The following WDR81 variants were observed in gnomAD, a reference collection of about 807,000 sequenced individuals.
WDR81 encodes WD repeat domain 81.
In WDR81, 92 loss-of-function variants were observed where a neutral mutation model predicts 140.8. The ratio of observed to expected loss-of-function variants is 0.65; its 90% CI spans 0.55 to 0.78. The LOEUF (loss-of-function observed/expected upper bound fraction) is 0.78. WDR81 is among the 30% of genes least tolerant of loss of function. WDR81 has a pLI of 0.00. For missense variants in WDR81, 2,502 were observed against 2,636.4 expected, an observed-to-expected ratio of 0.95 and a Z score of 1.12; for synonymous variants, 1,183 against 1,156.4, an observed-to-expected ratio of 1.02 and a Z score of -0.47.
At position 1,726,997 on chromosome 17, in the gene WDR81, G is replaced by T; in HGVS notation, c.2038G>T (p.Gly680Cys). 6.5e-7 allele frequency: 1 copy of T among 1,550,386 alleles called. No individual in the cohort carries two copies. The highest frequency in any genetic ancestry group is 1.2e-5 in the South Asian group (1 of 84,058). Residue 680 changes from glycine to cysteine, a missense_variant, in exon 1 of 10, where the codon GGC (glycine) becomes TGC (cysteine). Physicochemically the swap from Gly to Cys is radical, Grantham distance 159 (BLOSUM62 -3). This residue lies in a region of WDR81 where 1,737 missense variants were observed against 1,843.0 expected (regional missense o/e 0.94). Coordinates refer to ENST00000409644, the MANE Select transcript of WDR81 (RefSeq NM_001163809.2). ...SLAGKAGDQLGSSSQASPGLL... is the reference protein window; with the variant it reads ...SLAGKAGDQLCSSSQASPGLL... ...TGCTGGGAAAGCAGGTGACCAGCTGGGCTCCTCCAGTCAAGCGTCCCCTGG... is the reference window on the plus strand; with the variant it reads ...TGCTGGGAAAGCAGGTGACCAGCTGTGCTCCTCCAGTCAAGCGTCCCCTGG...
chr17:1,735,878 A>G lies in WDR81; in HGVS notation c.5325+161A>G. 7.3e-7 allele frequency: 1 copy of G among 1,362,978 alleles called. No individual in the cohort carries two copies. The highest frequency in any genetic ancestry group is 9.8e-7 in the Non-Finnish European group (1 of 1,018,274). 84.4% of individuals were successfully genotyped at this position (1,362,978 alleles called of 1,614,324 possible). On this transcript the variant is annotated intron_variant, in intron 8 of 9. Coordinates refer to ENST00000409644, the MANE Select transcript of WDR81 (RefSeq NM_001163809.2). This position sits in a 1 kb window ranked among gnomAD's most constrained non-coding sequence, Gnocchi z 4.2. ...ACAGCCACACATCCTGCGGGGCAGG[A>G]CTCTGGCCTGTGATGGGGGTGGGGT... is the stretch of plus-strand genomic sequence containing the variant.
rs79621005 is a variant in WDR81, at chr17:1,729,145, G to A, written c.3667+519G>A. 6.1e-3 allele frequency among the ~76,000 whole-genome samples: 923 copies of A among 152,190 alleles called. 12 individuals are homozygous for A. Among genetic ancestry groups the A allele is most frequent in the African/African-American group, 0.021 (854 of 41,526 alleles). ...TCTTAAGCAAGTGTATTATGTTAGT[G>A]CGATAAAGAACATGGCTGCATTCCT... is the stretch of plus-strand genomic sequence containing the variant. On this transcript the variant is annotated intron_variant, in intron 1 of 9. Coordinates refer to ENST00000409644, the MANE Select transcript of WDR81 (RefSeq NM_001163809.2).
chr17:1,734,204 G>T lies in WDR81; in HGVS notation c.5167G>T (p.Asp1723Tyr). The T allele has an allele frequency of 6.3e-7, 1 of 1,588,136 alleles. No individual in the cohort carries two copies. Among genetic ancestry groups the T allele is most frequent in the South Asian group, 1.1e-5 (1 of 89,986 alleles). ...VSCDGAVHVWDPFTGKTLRTV... is the reference protein window; with the variant it reads ...VSCDGAVHVWYPFTGKTLRTV... ...CTGTGACGGGGCTGTGCACGTCTGG[G>T]ACCCCTTCACAGGTGAGCGGGCCCA... Residue 1723 changes from aspartate (D) to tyrosine (Y), a missense_variant, in exon 7 of 10, where the codon GAC becomes TAC. By Grantham distance (160) the Asp-to-Tyr change is radical (BLOSUM62 -3). Transcript: ENST00000409644.
Position 1,725,508 on chromosome 17 carries a change from G to A in WDR81, c.549G>A (p.Arg183=). The part of the protein sequence containing the change: ...ALDSVRQALQ[R]VYGCSFLPVG... ...ACTCAGTACGGCAGGCTCTGCAGAGGGTCTATGGTTGCTCCTTCCTGCCAG... is the reference window on the plus strand; with the variant it reads ...ACTCAGTACGGCAGGCTCTGCAGAGAGTCTATGGTTGCTCCTTCCTGCCAG... Residue 183 remains arginine, a synonymous_variant, in exon 1 of 10, where the codon AGG becomes AGA. Transcript: ENST00000409644. 2 of 1,546,624 alleles carry A rather than the reference G, an allele frequency of 1.3e-6. No homozygotes were observed. The highest frequency in any genetic ancestry group is 1.4e-5 in the African/African-American group (1 of 73,186).
chr17:1,735,845 G>T lies in WDR81; in HGVS notation c.5325+128G>T. 7.1e-7 allele frequency: 1 copy of T among 1,409,702 alleles called. No homozygotes were observed. Among genetic ancestry groups the T allele is most frequent in the Non-Finnish European group, 9.5e-7 (1 of 1,052,072 alleles). The allele number at this position is 1,409,702 out of a possible 1,614,324, so 87.3% of individuals were successfully genotyped here. A position where few individuals can be genotyped will look rare whatever the true frequency, so the allele number is the denominator to read the frequency against. ...CCTAGTTAGTTTCTCTTTGGTGCTA[G>T]ATCACCCACAGCCACACATCCTGCG... On this transcript the variant is annotated intron_variant, in intron 8 of 9. Transcript: ENST00000409644. The surrounding 1 kb of genome is among the most constrained non-coding windows in gnomAD (Gnocchi z 4.2).
At position 1,730,479 on chromosome 17, in the gene WDR81, G is replaced by A. The variant is rs572999583; in HGVS notation, c.3767G>A (p.Cys1256Tyr). 2 of 1,612,966 alleles carry A rather than the reference G, an allele frequency of 1.2e-6. No individual in the cohort carries two copies. The highest frequency in any genetic ancestry group is 1.7e-6 in the Non-Finnish European group (2 of 1,179,784). ...ARNLLRLLTS[C>Y]YVGPTRQQFT... ...AACCTGCTCCGCCTGCTGACGTCTTGTTATGTTGGTAAGGAGGCCTGCGGT... is the reference window on the plus strand; with the variant it reads ...AACCTGCTCCGCCTGCTGACGTCTTATTATGTTGGTAAGGAGGCCTGCGGT... Residue 1256 changes from cysteine (C) to tyrosine (Y), a missense_variant, in exon 2 of 10, where the codon TGT (cysteine) becomes TAT (tyrosine). Around this residue, in one of 3 missense-constraint regions of WDR81, gnomAD observed 1,737 missense variants for 1,843.0 expected, o/e 0.94. Transcript: ENST00000409644.
chr17:1,733,079 A>G (rs148595085), intron 6 of WDR81: 60 of 521,330 alleles, frequency 1.2e-4, no homozygotes, highest in African/African-American at 9.3e-4. Flanking sequence ...AGAGTCAGGG[A>G]GGTGGACTGG....
intron 6 of WDR81, 142 bp downstream of exon 6, chr17:1,732,973 G>C: frequency 9.5e-7 from 1 of 1,056,428 alleles, no homozygotes; most frequent in Non-Finnish European, 1.3e-6. Flanking sequence ...TTTGGCCTCA[G>C]ACCCCTACCC....
intron 1 of WDR81, chr17:1,716,769 C>T: frequency 1.0e-6 from 1 of 997,270 alleles, no homozygotes; most frequent in African/African-American, 1.6e-5. Flanking sequence ...CTGCGGGACG[C>T]TATAGCTCTT....
In WDR81 at chr17:1,726,985, G is replaced by A; in HGVS notation, c.2026G>A (p.Gly676Ser). The A allele has an allele frequency of 6.4e-7, 1 of 1,550,450 alleles. No homozygotes were observed. The highest frequency in any genetic ancestry group is 8.7e-7 in the Non-Finnish European group (1 of 1,146,980). The change falls in exon 1 of 10, where the codon GGT becomes AGT. Residue 676 changes from glycine (G) to serine (S), a missense_variant. Transcript: ENST00000409644. ...LDSISLAGKA[G>S]DQLGSSSQAS... ...TTCCATTTCCCTTGCTGGGAAAGCA[G>A]GTGACCAGCTGGGCTCCTCCAGTCA...
In WDR81 at chr17:1,726,009, A is replaced by C. The variant is rs912269144; in HGVS notation, c.1050A>C (p.Leu350=). Residue 350 remains leucine (L), a synonymous_variant, in exon 1 of 10, where the codon CTA becomes CTC. Transcript: ENST00000409644. ...AGGAGGAACTTCGGAGCCTCGTGCT[A>C]GATTGGGTCCACGGCCGCATCAGCA... The part of the protein sequence containing the change: ...TGQEELRSLV[L]DWVHGRISNF... 2.6e-5 allele frequency: 40 copies of C among 1,547,208 alleles called. No individual in the cohort carries two copies. Among genetic ancestry groups the C allele is most frequent in the Non-Finnish European group, 3.4e-5 (39 of 1,144,754 alleles).
At chr17:1,717,119 G>T (rs1406329404) in intron 1 of WDR81, 7 of 168,840 alleles carry the variant, frequency 4.1e-5, no homozygotes, top group Non-Finnish European at 9.1e-5. Flanking sequence ...CGCATCCTCT[G>T]ATTAACCCCC....
rs1904855425 is a variant in WDR81, at chr17:1,736,211, A to C, written c.5498A>C (p.Gln1833Pro). 3 of 1,596,816 alleles carry C rather than the reference A, an allele frequency of 1.9e-6. No individual in the cohort carries two copies. The highest frequency in any genetic ancestry group is 2.5e-6 in the Non-Finnish European group (3 of 1,178,574). Reference sequence around the variant, plus strand: ...CCAGCCCACGAGGGGGACATTCTGCAGATCAAGGTGACGGGCCGGGTCTCC... The same window carrying C: ...CCAGCCCACGAGGGGGACATTCTGCCGATCAAGGTGACGGGCCGGGTCTCC... ...GWPAHEGDIL[Q>P]IKAVEGSVLV... is the part of the protein sequence containing the mutation. The change falls in exon 9 of 10, where the codon CAG (glutamine) becomes CCG (proline). Residue 1833 changes from glutamine to proline, a missense_variant. Coordinates refer to ENST00000409644, the MANE Select transcript of WDR81 (RefSeq NM_001163809.2).
At chr17:1,723,744 C>T (rs1915023986), upstream of WDR81, among the ~76,000 whole-genome samples, 1 of 152,014 alleles carries the variant, frequency 6.6e-6, no homozygotes, top group East Asian at 2.0e-4. Context: ...CTCAGCCTCC[C>T]AAAGTGCTGG....
Position 1,727,642 on chromosome 17 carries a change from G to C in WDR81, c.2683G>C (p.Glu895Gln), listed in dbSNP as rs1350909497. The C allele has an allele frequency of 3.9e-6, 6 of 1,550,530 alleles. No homozygotes were observed. The Admixed American group carries it at 1.2e-4, about 30-fold the overall frequency. The change falls in exon 1 of 10, where the codon GAG becomes CAG. Residue 895 changes from glutamate (E) to glutamine (Q), a missense_variant. Glu to Gln is a conservative substitution (Grantham distance 29). This residue lies in a region of WDR81 where 1,737 missense variants were observed against 1,843.0 expected (regional missense o/e 0.94). Transcript: ENST00000409644. Reference sequence around the variant, plus strand: ...GTACCAGGCAAGGCGTGTGGAGGACGAGGCCCAGGGGCGCGAGCTGGTGTT... The same window carrying C: ...GTACCAGGCAAGGCGTGTGGAGGACCAGGCCCAGGGGCGCGAGCTGGTGTT... ...LLYQARRVED[E>Q]AQGRELVFAL...
At position 1,733,770 on chromosome 17, in the gene WDR81, A is replaced by T. The variant is rs1195692404; in HGVS notation, c.4733A>T (p.Asn1578Ile). 6.2e-7 allele frequency: 1 copy of T among 1,611,794 alleles called. No individual in the cohort carries two copies. The highest frequency in any genetic ancestry group is 8.5e-7 in the Non-Finnish European group (1 of 1,179,574). ...ATCCCCAATGACTCTCGGCCTGAGA[A>T]CCCCGGACCACTGGGCCCCATCTCG... ...IQIPNDSRPE[N>I]PGPLGPISGV... The change falls in exon 7 of 10, where the codon AAC becomes ATC. Residue 1578 changes from asparagine to isoleucine, a missense_variant. Around this residue, in one of 3 missense-constraint regions of WDR81, gnomAD observed 1,737 missense variants for 1,843.0 expected, o/e 0.94. Coordinates refer to ENST00000409644, the MANE Select transcript of WDR81 (RefSeq NM_001163809.2).
chr17:1,722,223 G>A (rs1914904396), upstream of WDR81, among the ~76,000 whole-genome samples: 1 of 152,174 alleles, frequency 6.6e-6, no homozygotes, highest in Non-Finnish European at 1.5e-5. Flanking sequence ...CTCCATACAA[G>A]TTTGTTGTAA....
Position 1,732,850 on chromosome 17 carries a change from C to A in WDR81, c.4489+19C>A. On this transcript the variant is annotated intron_variant, in intron 6 of 9. Transcript: ENST00000409644. The stretch of plus-strand genomic sequence containing the variant: ...CTGTTGGGTACTGCCCCATCACGTT[C>A]CCCATCACAGTCTTCGTGGCTGTCT... 1 of 1,578,740 alleles carries A rather than the reference C, an allele frequency of 6.3e-7. No individual in the cohort carries two copies. Among genetic ancestry groups the A allele is most frequent in the Non-Finnish European group, 8.6e-7 (1 of 1,158,728 alleles).
Position 1,728,485 on chromosome 17 carries a change from A to T in WDR81, c.3526A>T (p.Thr1176Ser), listed in dbSNP as rs774222660. 6.2e-7 allele frequency: 1 copy of T among 1,602,642 alleles called. No individual in the cohort carries two copies. The highest frequency in any genetic ancestry group is 1.1e-5 in the South Asian group (1 of 90,082). ...GGAGGAGGGGGAGCAGGAGGAGGTC[A>T]CCGGGGCATCTGAGCTCACTCTGTC... Reference protein sequence around the residue: ...EEEEGEQEEVTGASELTLSDT... With the variant: ...EEEEGEQEEVSGASELTLSDT... The change falls in exon 1 of 10, where the codon ACC (threonine) becomes TCC (serine). Residue 1176 changes from threonine to serine, a missense_variant. Physicochemically the swap from Thr to Ser is moderately conservative, Grantham distance 58 (BLOSUM62 1). This residue lies in a region of WDR81 where 1,737 missense variants were observed against 1,843.0 expected (regional missense o/e 0.94). Transcript: ENST00000409644.
Sources: allele counts gnomAD v4.1 joint callset (sites outside exome capture counted in the v4.1 genomes callset), GRCh38; gene constraint gnomAD v4.1.1; regional missense constraint gnomAD v4.1.1; non-coding constraint Gnocchi (gnomAD v3.1); transcripts MANE v1.5; gene names NCBI Gene and HGNC (gene_info 2026-07-23, HGNC 2026-07-21).